TENM4: variants seen among roughly 807,000 people sequenced by gnomAD.
TENM4 encodes teneurin transmembrane protein 4.
A neutral mutation model predicts 243.3 loss-of-function variants in TENM4; 82 were observed. The ratio of observed to expected loss-of-function variants is 0.34; its 90% CI spans 0.28 to 0.40. The LOEUF (loss-of-function observed/expected upper bound fraction) is 0.40, where lower values mean the gene tolerates loss of function less well. TENM4 is among the 10% of genes least tolerant of loss of function. The pLI is 1.00. For synonymous variants in TENM4, 1,412 were observed against 1,456.3 expected, an observed-to-expected ratio of 0.97 and a Z score of 0.69; for missense variants, 3,138 against 3,673.3, an observed-to-expected ratio of 0.85 and a Z score of 3.77.
chr11:78,777,267 C>A (rs1205971562), intron 17 of TENM4, among the ~76,000 whole-genome samples: 2 of 152,150 alleles, frequency 1.3e-5, no homozygotes, highest in Non-Finnish European at 2.9e-5. Flanking sequence ...AGGACCAGCA[C>A]ATGAAATATG....
intron 12 of TENM4, among the ~76,000 whole-genome samples, chr11:78,846,190 T>C (rs2136186163): frequency 6.6e-6 from 1 of 152,386 alleles, no homozygotes; most frequent in South Asian, 2.1e-4. Flanking sequence ...CAATTAGCAT[T>C]AGATCTCTGA....
chr11:79,330,671 A>G, intron 1 of TENM4, among the ~76,000 whole-genome samples: 1 of 152,260 alleles, frequency 6.6e-6, no homozygotes, highest in Admixed American at 6.5e-5. Context: ...TATGTGGTCC[A>G]CAGGCATGAC....
intron 2 of TENM4, among the ~76,000 whole-genome samples, chr11:79,223,153 G>GA (rs201709585): frequency 2.2e-4 from 32 of 148,024 alleles, no homozygotes; most frequent in African/African-American, 3.0e-4. Flanking sequence ...ATTAAATATA[G>GA]AAAAAAAAAA....
intron 4 of TENM4, among the ~76,000 whole-genome samples, chr11:79,139,728 A>T (rs1268123959): frequency 2.3e-5 from 2 of 85,610 alleles, no homozygotes; most frequent in Non-Finnish European, 4.4e-5. Context: ...TAAAATATAT[A>T]TTATATTTAT....
At chr11:79,381,329 C>T (rs1347938028) in intron 1 of TENM4, among the ~76,000 whole-genome samples, 1 of 120,920 alleles carries the variant, frequency 8.3e-6, no homozygotes, top group African/African-American at 3.0e-5. Context: ...CTCAAATGGC[C>T]TGGAAAAAAA....
At chr11:79,040,740 C>T (rs1470067988) in intron 6 of TENM4, among the ~76,000 whole-genome samples, 2 of 152,142 alleles carry the variant, frequency 1.3e-5, no homozygotes, top group African/African-American at 2.4e-5. Context: ...CCTCTTTACT[C>T]CCCCTTTGTT....
rs79392709 is a variant in TENM4, at chr11:79,349,963, C to T, written c.-320-52420G>A. ...GCCAGACCGGAGGACGAGGAGAGTG[C>T]GTGGAGATCAAGTTCTCGTGTCCCA... On this transcript the variant is annotated intron_variant, in intron 1 of 33. Coordinates refer to ENST00000278550, the MANE Select transcript of TENM4 (RefSeq NM_001098816.3). 2.5e-3 allele frequency among the ~76,000 whole-genome samples: 381 copies of T among 152,254 alleles called. 3 individuals carry two copies. Among genetic ancestry groups the T allele is most frequent in the African/African-American group, 8.6e-3 (359 of 41,536 alleles).
chr11:79,238,658 ATC>A (rs1386238140), intron 2 of TENM4, among the ~76,000 whole-genome samples: 1 of 151,112 alleles, frequency 6.6e-6, no homozygotes, highest in Non-Finnish European at 1.5e-5. Flanking sequence ...TTCATAATAA[ATC>A]TCTTTCTCTC....
chr11:79,203,109 A>G (rs1462956837), intron 3 of TENM4, among the ~76,000 whole-genome samples: 1 of 152,330 alleles, frequency 6.6e-6, no homozygotes, highest in East Asian at 1.9e-4. Context: ...GCTATAATAC[A>G]AAAAGACATA....
chr11:78,722,701 G>A lies in TENM4; in HGVS notation c.3767C>T (p.Pro1256Leu), dbSNP rs1565349073. The change falls in exon 24 of 34, where the codon CCC becomes CTC. Residue 1256 changes from proline (P) to leucine (L), a missense_variant. Coordinates refer to ENST00000278550, the MANE Select transcript of TENM4 (RefSeq NM_001098816.3). Reference protein sequence around the residue: ...GDFNYIRRIFPSGNVTNILEL... With the variant: ...GDFNYIRRIFLSGNVTNILEL... ...TAGGATGTTGGTGACATTTCCAGAGGGGAAGATCCTTCTAATGTAGTTGAA... is the reference window on the plus strand; with the variant it reads ...TAGGATGTTGGTGACATTTCCAGAGAGGAAGATCCTTCTAATGTAGTTGAA... 3 of 1,613,892 alleles carry A rather than the reference G, an allele frequency of 1.9e-6. No homozygotes were observed. Among genetic ancestry groups the A allele is most frequent in the Non-Finnish European group, 2.5e-6 (3 of 1,179,766 alleles).
chr11:79,286,499 CAAA>C (rs59227835), intron 2 of TENM4, among the ~76,000 whole-genome samples: 38,192 of 126,432 alleles, frequency 0.3, 5,474 homozygotes, highest in East Asian at 0.52. Context: ...CTAAAAAATC[CAAA>C]AAAAAAAAAA....
intron 17 of TENM4, among the ~76,000 whole-genome samples, chr11:78,776,997 C>T (rs1856752409): frequency 6.6e-6 from 1 of 151,882 alleles, no homozygotes; most frequent in Non-Finnish European, 1.5e-5. Flanking sequence ...ATTCAACTCC[C>T]TCAACTTCAG....
chr11:79,272,175 T>C (rs1855980123), intron 2 of TENM4, among the ~76,000 whole-genome samples: 2 of 152,176 alleles, frequency 1.3e-5, no homozygotes, highest in Admixed American at 6.5e-5. Flanking sequence ...GATTCCACTC[T>C]AGCATTCTCA....
chr11:79,069,938 C>G lies in TENM4; in HGVS notation c.7G>C (p.Val3Leu). 6.5e-7 allele frequency: 1 copy of G among 1,545,828 alleles called. No individual in the cohort carries two copies. The highest frequency in any genetic ancestry group is 8.7e-7 in the Non-Finnish European group (1 of 1,146,424). The change falls in exon 5 of 34, where the codon GTG becomes CTG. Residue 3 changes from valine to leucine, a missense_variant. Around this residue, in one of 2 missense-constraint regions of TENM4, gnomAD observed 671 missense variants for 614.1 expected, o/e 1.09. Transcript: ENST00000278550. MD[V>L]KERKPYRSLT... Reference sequence around the variant, plus strand: ...GAGCGGTAAGGCTTCCTCTCCTTCACGTCCATGGCCTCCGGCCCGCGCTCC... The same window carrying G: ...GAGCGGTAAGGCTTCCTCTCCTTCAGGTCCATGGCCTCCGGCCCGCGCTCC...
intron 20 of TENM4, among the ~76,000 whole-genome samples, chr11:78,738,123 C>T (rs914726423): frequency 1.2e-4 from 19 of 152,300 alleles, no homozygotes; most frequent in African/African-American, 4.1e-4. Flanking sequence ...ACAGGAATGG[C>T]TGAGATTTCT....
chr11:79,057,878 G>C (rs1182071216), intron 6 of TENM4, among the ~76,000 whole-genome samples: 1 of 152,146 alleles, frequency 6.6e-6, no homozygotes, highest in Non-Finnish European at 1.5e-5. Context: ...TGCCCACATA[G>C]AATGTCCCCT....
At chr11:79,298,068 A>AT (rs1856486015) in intron 1 of TENM4, among the ~76,000 whole-genome samples, 2 of 152,158 alleles carry the variant, frequency 1.3e-5, no homozygotes, top group Admixed American at 6.5e-5. Context: ...ACAGTTGACC[A>AT]TTGCCCTTAT....
chr11:79,340,564 T>C (rs1187419033), intron 1 of TENM4, among the ~76,000 whole-genome samples: 1 of 152,084 alleles, frequency 6.6e-6, no homozygotes, highest in Non-Finnish European at 1.5e-5. Flanking sequence ...TAGCACACGT[T>C]TGCTTCTAGA....
intron 4 of TENM4, among the ~76,000 whole-genome samples, chr11:79,088,568 C>A (rs1860872591): frequency 6.6e-6 from 1 of 152,136 alleles, no homozygotes; most frequent in Non-Finnish European, 1.5e-5. Flanking sequence ...TTGACCTACC[C>A]AATAGGGTTG....
Sources: allele counts gnomAD v4.1 joint callset (sites outside exome capture counted in the v4.1 genomes callset), GRCh38; gene constraint gnomAD v4.1.1; regional missense constraint gnomAD v4.1.1; transcripts MANE v1.5; gene names NCBI Gene and HGNC (gene_info 2026-07-23, HGNC 2026-07-21).